Variants in MMD2 observed in about 807,000 individuals in gnomAD.
MMD2 encodes the protein monocyte to macrophage differentiation associated 2.
A neutral mutation model predicts 33.5 loss-of-function variants in MMD2; 30 were observed. The observed-to-expected ratio is 0.90, with a 90% CI of 0.67 to 1.22. The LOEUF (loss-of-function observed/expected upper bound fraction) is 1.22, where lower values mean the gene tolerates loss of function less well. MMD2 is among the 50% of genes most tolerant of loss of function. The pLI, the probability that MMD2 is intolerant of heterozygous loss-of-function variation, is 0.00. For missense variants in MMD2, 364 were observed against 325.4 expected, an observed-to-expected ratio of 1.12 and a Z score of -0.91; for synonymous variants, 129 against 123.0, an observed-to-expected ratio of 1.05 and a Z score of -0.32.
intron 1 of MMD2, among the ~76,000 whole-genome samples, chr7:4,930,726 G>A (rs1275680339): frequency 6.6e-6 from 1 of 152,068 alleles, no homozygotes; most frequent in Non-Finnish European, 1.5e-5. Flanking sequence ...ATGTGACGGT[G>A]GAGGCAGAGA....
At chr7:4,942,347 G>T (rs752554230) in intron 1 of MMD2, among the ~76,000 whole-genome samples, 3 of 151,824 alleles carry the variant, frequency 2.0e-5, no homozygotes, top group African/African-American at 7.3e-5. Context: ...TGATTCTCCC[G>T]CCTTGGCCTC....
intron 1 of MMD2, among the ~76,000 whole-genome samples, chr7:4,945,185 T>TCCTTCTTCTTCTTC (rs1786024637): frequency 8.6e-5 from 8 of 93,540 alleles, no homozygotes; most frequent in African/African-American, 2.4e-4. Flanking sequence ...CCTCTTCCTC[T>TCCTTCTTCTTCTTC]TTCTTCTTCT....
At chr7:4,921,612 C>T (rs1471975451) in intron 2 of MMD2, among the ~76,000 whole-genome samples, 1 of 141,132 alleles carries the variant, frequency 7.1e-6, no homozygotes, top group Non-Finnish European at 1.5e-5. Flanking sequence ...CAGAGCAAGA[C>T]TCTGTCTCAA....
rs528040198 is a variant in MMD2 at position 4,925,000 on chromosome 7, G to A, written c.129+451C>T. Among the ~76,000 whole-genome samples, 4 of 152,150 alleles carry A rather than the reference G, an allele frequency of 2.6e-5. No individual in the cohort carries two copies. The East Asian group carries it at 5.8e-4, about 22-fold the overall frequency. ...GGCTGGAATGCAATGGCATGATCTCGGCTCACTGCAACCTCCGACTCCTGG... is the reference window on the plus strand; with the variant it reads ...GGCTGGAATGCAATGGCATGATCTCAGCTCACTGCAACCTCCGACTCCTGG... On this transcript the variant is annotated intron_variant, in intron 2 of 6. Coordinates refer to ENST00000401401, the MANE Select transcript of MMD2 (RefSeq NM_198403.4).
rs956409071 is a variant in MMD2 at position 4,959,161 on chromosome 7, G to C, written c.-144C>G. 9.2e-6 allele frequency: 5 copies of C among 546,154 alleles called. No individual in the cohort carries two copies. The African/African-American group carries it at 1.1e-4, about 12-fold the overall frequency. The allele number at this position is 546,154 out of a possible 1,614,324, so 33.8% of individuals were successfully genotyped here. A position where few individuals can be genotyped will look rare whatever the true frequency, so the allele number is the denominator to read the frequency against. On this transcript the variant is annotated 5_prime_UTR_variant, in exon 1 of 7. Transcript: ENST00000401401. The stretch of plus-strand genomic sequence containing the variant: ...TGGTCGGCGCCCGGAGCCGGAGCCG[G>C]AGCCCGAGCCGGAGCTGGAGGCGCC...
Position 4,931,444 on chromosome 7 carries a change from C to T in MMD2, c.48-5912G>A, listed in dbSNP as rs111662958. 8.9e-3 allele frequency among the ~76,000 whole-genome samples: 1,341 copies of T among 151,096 alleles called. 20 individuals are homozygous for T. The highest frequency in any genetic ancestry group is 0.031 in the African/African-American group (1,265 of 41,196). Reference sequence around the variant, plus strand: ...TTGGGATTACAGGCATGAGCCACTGCGCCTGGCCTCTTTACCTTTTTCTTT... The same window carrying T: ...TTGGGATTACAGGCATGAGCCACTGTGCCTGGCCTCTTTACCTTTTTCTTT... On this transcript the variant is annotated intron_variant, in intron 1 of 6. Coordinates refer to ENST00000401401, the MANE Select transcript of MMD2 (RefSeq NM_198403.4).
intron 1 of MMD2, among the ~76,000 whole-genome samples, chr7:4,934,128 C>T (rs889541684): frequency 2.0e-5 from 3 of 150,534 alleles, no homozygotes; most frequent in Non-Finnish European, 4.4e-5. Context: ...TGAGGTTTTG[C>T]CATGTTGGCC....
At chr7:4,896,804 C>T in the MMD2 span, among the ~76,000 whole-genome samples, 15 of 152,234 alleles carry the variant, frequency 9.9e-5, no homozygotes, top group African/African-American at 3.6e-4. Context: ...ACTCCACCCC[C>T]ATTTATATCA....
intron 1 of MMD2, among the ~76,000 whole-genome samples, chr7:4,942,808 G>T (rs1014607351): frequency 6.7e-6 from 1 of 149,896 alleles, no homozygotes; most frequent in African/African-American, 2.5e-5. Context: ...GTAGAGACAG[G>T]GTTTCACCAT....
At chr7:4,913,294 T>C (rs1785060853) in intron 4 of MMD2, among the ~76,000 whole-genome samples, 1 of 152,184 alleles carries the variant, frequency 6.6e-6, no homozygotes, top group African/African-American at 2.4e-5. Context: ...GTATTACATT[T>C]AATTTTAACT....
rs1187940316 is a variant in MMD2, at chr7:4,940,895, G to A, written c.48-15363C>T. Among the ~76,000 whole-genome samples, 1 of 152,154 alleles carries A rather than the reference G, an allele frequency of 6.6e-6. No homozygotes were observed. The highest frequency in any genetic ancestry group is 1.5e-5 in the Non-Finnish European group (1 of 68,030). ...GGGGGTACTGACCCGACAGATCTGA[G>A]ACCAGCTCCCAGCCTTGGCGCCCAC... On this transcript the variant is annotated intron_variant, in intron 1 of 6. Coordinates refer to ENST00000401401, the MANE Select transcript of MMD2 (RefSeq NM_198403.4). The surrounding 1 kb of genome is among the most constrained non-coding windows in gnomAD (Gnocchi z 5.0).
At chr7:4,932,567 G>A (rs1319314942) in intron 1 of MMD2, among the ~76,000 whole-genome samples, 3 of 150,936 alleles carry the variant, frequency 2.0e-5, no homozygotes, top group Non-Finnish European at 4.4e-5. Context: ...TGCACCTGAA[G>A]CCTCTGCCCA....
the MMD2 span, among the ~76,000 whole-genome samples, chr7:4,898,098 C>T: frequency 8.5e-5 from 13 of 152,272 alleles, no homozygotes; most frequent in African/African-American, 2.2e-4. Context: ...TTCAGGGCCA[C>T]GCTGCCCACT....
Position 4,930,987 on chromosome 7 carries a change from A to T in MMD2, c.48-5455T>A, listed in dbSNP as rs561852152. ...TGCCTCAGACTCCTGAGTAACTGGA[A>T]TTACAGGCGCCCGCCACCAGGCCTG... On this transcript the variant is annotated intron_variant, in intron 1 of 6. Coordinates refer to ENST00000401401, the MANE Select transcript of MMD2 (RefSeq NM_198403.4). 1.1e-3 allele frequency among the ~76,000 whole-genome samples: 167 copies of T among 152,090 alleles called. 1 individual carries two copies. The highest frequency in any genetic ancestry group is 3.5e-3 in the African/African-American group (145 of 41,492).
At chr7:4,945,591 T>C (rs1029451804) in intron 1 of MMD2, among the ~76,000 whole-genome samples, 3 of 148,656 alleles carry the variant, frequency 2.0e-5, no homozygotes, top group African/African-American at 5.0e-5. Context: ...TCCCTTCCTT[T>C]CCTTTGGAGA....
intron 1 of MMD2, among the ~76,000 whole-genome samples, chr7:4,949,700 C>T (rs1241569304): frequency 8.6e-5 from 13 of 151,858 alleles, no homozygotes; most frequent in African/African-American, 2.7e-4. Context: ...TTTGTAGAGA[C>T]GGGGTTTCAC....
At chr7:4,944,754 CTTCTTCTT>C (rs1226408469) in intron 1 of MMD2, among the ~76,000 whole-genome samples, 1 of 129,020 alleles carries the variant, frequency 7.8e-6, no homozygotes, top group African/African-American at 3.2e-5. Context: ...TCTTCTTCTT[CTTCTTCTT>C]TTTTTTTTTT....
the MMD2 span, among the ~76,000 whole-genome samples, chr7:4,895,941 C>A: frequency 4.6e-5 from 7 of 152,104 alleles, no homozygotes; most frequent in African/African-American, 1.7e-4. Flanking sequence ...CTCACTCCTT[C>A]CCGGGAATCA....
chr7:4,958,857 C>G (rs1786460372), intron 1 of MMD2, 114 bp downstream of exon 1: 38 of 938,134 alleles, frequency 4.1e-5, no homozygotes, highest in Non-Finnish European at 5.3e-5. Context: ...AGGGGTCCGC[C>G]GATCCCCTCT....
Sources: allele counts gnomAD v4.1 joint callset (sites outside exome capture counted in the v4.1 genomes callset), GRCh38; gene constraint gnomAD v4.1.1; non-coding constraint Gnocchi (gnomAD v3.1); transcripts MANE v1.5; gene names NCBI Gene and HGNC (gene_info 2026-07-23, HGNC 2026-07-21).